Variants in UCHL3 observed in about 807,000 individuals in gnomAD.
UCHL3 encodes the protein ubiquitin carboxyl-terminal hydrolase isozyme L3.
A neutral mutation model predicts 35.8 loss-of-function variants in UCHL3; 22 were observed. That is an observed-to-expected ratio of 0.61 (90% CI 0.44 to 0.88). The LOEUF (loss-of-function observed/expected upper bound fraction) is 0.88. Ranked by LOEUF, UCHL3 falls within the 40% of genes least tolerant of loss-of-function variation. UCHL3 has a pLI of 0.00. For synonymous variants in UCHL3, 90 were observed against 92.8 expected (o/e 0.97, Z 0.17); for missense variants, 229 against 276.9 (o/e 0.83, Z 1.23).
intron 6 of UCHL3, among the ~76,000 whole-genome samples, chr13:75,582,038 G>C (rs2032201461): frequency 1.3e-5 from 2 of 152,156 alleles, no homozygotes; most frequent in Non-Finnish European, 2.9e-5. Flanking sequence ...CACTGAAATT[G>C]GAGCTGGGAG....
intron 6 of UCHL3, among the ~76,000 whole-genome samples, chr13:75,578,359 G>A (rs928904129): frequency 1.3e-5 from 2 of 152,042 alleles, no homozygotes; most frequent in Non-Finnish European, 2.9e-5. Flanking sequence ...GTAGCTTCTT[G>A]TAGGTGGGAT....
rs142970713 is a variant in UCHL3, at chr13:75,595,242, A to G, written c.550+252A>G. ...ATTTTAGCAAAGCAAGAAAGTAAAA[A>G]CCATTACAGGGAACTGCTTCAAATC... is the stretch of plus-strand genomic sequence containing the variant. On this transcript the variant is annotated intron_variant, in intron 7 of 8. Transcript: ENST00000377595. Among the ~76,000 whole-genome samples the G allele has an allele frequency of 3.4e-3, 525 of 152,322 alleles. 7 individuals carry two copies. The highest frequency in any genetic ancestry group is 0.012 in the African/African-American group (496 of 41,558).
chr13:75,559,022 C>A (rs939087203), intron 2 of UCHL3, among the ~76,000 whole-genome samples: 17 of 149,162 alleles, frequency 1.1e-4, no homozygotes, highest in Non-Finnish European at 1.9e-4. Flanking sequence ...TCTCCTCAGC[C>A]CCGGACTCTT....
chr13:75,562,687 A>AGTC (rs955274820), intron 3 of UCHL3, among the ~76,000 whole-genome samples: 46 of 152,236 alleles, frequency 3.0e-4, no homozygotes, highest in African/African-American at 1.1e-3. Flanking sequence ...TCATTTAGTG[A>AGTC]GTCATCAGCA....
At chr13:75,589,120 A>AT (rs2032405265) in intron 6 of UCHL3, among the ~76,000 whole-genome samples, 1 of 152,170 alleles carries the variant, frequency 6.6e-6, no homozygotes, top group Admixed American at 6.6e-5. Context: ...CACCACAGTG[A>AT]TTAAGATCAT....
At position 75,586,909 on chromosome 13, in the gene UCHL3, G is replaced by GA. The variant is rs926295490; in HGVS notation, c.475-7999dup. ...TCTATAGCATGAAATGCTTATAGTA[G>GA]AAAAAAACAAACAAACAGAGGTTAG... On this transcript the variant is annotated intron_variant, in intron 6 of 8. Transcript: ENST00000377595. Among the ~76,000 whole-genome samples, 6 of 143,010 alleles carry GA rather than the reference G, an allele frequency of 4.2e-5. No individual in the cohort carries two copies. The South Asian group carries it at 6.5e-4, about 16-fold the overall frequency. 93.8% of individuals were successfully genotyped at this position (143,010 alleles called of 152,430 possible).
intron 2 of UCHL3, among the ~76,000 whole-genome samples, chr13:75,551,756 T>TA (rs1304805438): frequency 6.6e-6 from 1 of 152,250 alleles, no homozygotes; most frequent in Non-Finnish European, 1.5e-5. Flanking sequence ...AGTAGGAACT[T>TA]ACGTCCTGTG....
At position 75,594,934 on chromosome 13, in the gene UCHL3, A is replaced by G. The variant is rs539792961; in HGVS notation, c.494A>G (p.Lys165Arg). 3 of 1,607,282 alleles carry G rather than the reference A, an allele frequency of 1.9e-6. No homozygotes were observed. The East Asian group carries it at 6.7e-5, about 36-fold the overall frequency. The change falls in exon 7 of 9, where the codon AAA becomes AGA. Residue 165 changes from lysine (K) to arginine (R), a missense_variant. Coordinates refer to ENST00000377595, the MANE Select transcript of UCHL3 (RefSeq NM_006002.5). Reference sequence around the variant, plus strand: ...TTCCAGGCACCAAGTATAGATGAGAAAGTAGATCTTCATTTTATTGCATTA... The same window carrying G: ...TTCCAGGCACCAAGTATAGATGAGAGAGTAGATCTTCATTTTATTGCATTA... ...GQTEAPSIDE[K>R]VDLHFIALVH...
chr13:75,581,053 A>G (rs910821038), intron 6 of UCHL3, among the ~76,000 whole-genome samples: 1 of 152,158 alleles, frequency 6.6e-6, no homozygotes, highest in South Asian at 2.1e-4. Flanking sequence ...TCAGTACACT[A>G]GATTTTTTTT....
intron 6 of UCHL3, among the ~76,000 whole-genome samples, chr13:75,572,802 GACTGTTTTGTGC>G (rs2031903754): frequency 6.6e-6 from 1 of 152,088 alleles, no homozygotes; most frequent in South Asian, 2.1e-4. Flanking sequence ...TTTTGTGCGG[GACTGTTTTGTGC>G]ACTCCAGGGT....
chr13:75,592,435 T>TGTATATATATACATATATAC (rs2032513551), intron 6 of UCHL3, among the ~76,000 whole-genome samples: 5 of 98,732 alleles, frequency 5.1e-5, no homozygotes, highest in Non-Finnish European at 1.0e-4. Context: ...TATATATATA[T>TGTATATATATACATATATAC]ATATATATAT....
chr13:75,554,298 C>T (rs1386416321), intron 2 of UCHL3, among the ~76,000 whole-genome samples: 1 of 152,194 alleles, frequency 6.6e-6, no homozygotes, highest in Non-Finnish European at 1.5e-5. Context: ...TGCCTGGCCT[C>T]AAACAACTAG....
At chr13:75,560,672 T>C in intron 2 of UCHL3, 81 bp from the exon 3 acceptor site, 1 of 1,329,294 alleles carries the variant, frequency 7.5e-7, no homozygotes, top group Non-Finnish European at 1.0e-6. Context: ...TCATTTCCCT[T>C]TTAACACTAT....
At chr13:75,602,069 ACTGTACT>A (rs1305619524) in intron 7 of UCHL3, among the ~76,000 whole-genome samples, 2 of 152,054 alleles carry the variant, frequency 1.3e-5, no homozygotes, top group African/African-American at 2.4e-5. Flanking sequence ...AGATTGTGCC[ACTGTACT>A]CTAGCCTGGG....
intron 2 of UCHL3, among the ~76,000 whole-genome samples, chr13:75,556,837 A>T (rs1478877559): frequency 6.6e-6 from 1 of 152,228 alleles, no homozygotes; most frequent in Non-Finnish European, 1.5e-5. Flanking sequence ...AATAGGTGCC[A>T]TAGTGTTCAG....
chr13:75,569,697 A>T (rs1305829689), intron 6 of UCHL3, among the ~76,000 whole-genome samples, 190 bp downstream of exon 6: 2 of 152,218 alleles, frequency 1.3e-5, no homozygotes, highest in African/African-American at 4.8e-5. Flanking sequence ...TGTTTTGACA[A>T]GCTGTTAAGA....
intron 2 of UCHL3, 92 bp downstream of exon 2, chr13:75,550,079 ATTCTGGGATTTAAT>A: frequency 1.9e-6 from 3 of 1,589,680 alleles, no homozygotes. Context: ...GCTTCCAGGG[ATTCTGGGATTTAAT>A]TTCTTGAGGG....
chr13:75,563,749 C>T (rs191309191), intron 3 of UCHL3, among the ~76,000 whole-genome samples: 2 of 152,268 alleles, frequency 1.3e-5, no homozygotes, highest in Non-Finnish European at 2.9e-5. Context: ...CACATCACAT[C>T]CCTGCTAACC....
rs79629463 is a variant in UCHL3, at chr13:75,552,764, A to G, written c.54+2777A>G. On this transcript the variant is annotated intron_variant, in intron 2 of 8. Transcript: ENST00000377595. ...GCAGCTGAAAGTTACAGATAATTAAACATCAAGAATTACAACATTTATAGA... is the reference window on the plus strand; with the variant it reads ...GCAGCTGAAAGTTACAGATAATTAAGCATCAAGAATTACAACATTTATAGA... Among the ~76,000 whole-genome samples the G allele has an allele frequency of 4.3e-3, 650 of 152,308 alleles. 4 individuals are homozygous for G. The highest frequency in any genetic ancestry group is 0.014 in the African/African-American group (577 of 41,564).
Sources: gnomAD v4.1 joint callset for allele counts (sites outside exome capture counted in the v4.1 genomes callset) on GRCh38, gnomAD v4.1.1 for gene constraint, MANE v1.5 for transcripts, NCBI Gene and HGNC (gene_info 2026-07-23, HGNC 2026-07-21) for gene names.